The following FAM107B variants were observed in gnomAD, a reference collection of about 807,000 sequenced individuals.
FAM107B encodes the protein family with sequence similarity 107 member B, also known as protein FAM107B.
In FAM107B, 21 loss-of-function variants were observed where a neutral mutation model predicts 31.5. The ratio of observed to expected loss-of-function variants is 0.67; its 90% CI spans 0.47 to 0.96. FAM107B has a LOEUF of 0.96. Ranked by LOEUF, FAM107B falls within the 40% of genes least tolerant of loss-of-function variation. FAM107B has a pLI of 0.00. For synonymous variants in FAM107B, 157 were observed against 141.5 expected (o/e 1.11, Z -0.78); for missense variants, 452 against 377.1 (o/e 1.20, Z -1.64).
intron 1 of FAM107B, chr10:14,723,581 T>C (rs1855962979): frequency 1.5e-6 from 1 of 668,674 alleles, no homozygotes; most frequent in Non-Finnish European, 2.8e-6. Flanking sequence ...GGAAAGGCTA[T>C]GTCCACATAG....
At chr10:14,730,968 C>G (rs545733609) in intron 1 of FAM107B, among the ~76,000 whole-genome samples, 1 of 152,178 alleles carries the variant, frequency 6.6e-6, no homozygotes, top group Admixed American at 6.6e-5. Flanking sequence ...TCAAAGCCGA[C>G]TAAGTGGTTT....
chr10:14,530,909 A>G (rs1317776975), intron 2 of FAM107B, among the ~76,000 whole-genome samples: 1 of 152,234 alleles, frequency 6.6e-6, no homozygotes, highest in Non-Finnish European at 1.5e-5. Flanking sequence ...CAATGGCTGC[A>G]GTTGGACACA....
intron 1 of FAM107B, among the ~76,000 whole-genome samples, chr10:14,769,964 T>C (rs1308459491): frequency 6.6e-6 from 1 of 152,182 alleles, no homozygotes; most frequent in Non-Finnish European, 1.5e-5. Context: ...GGATTCGCAA[T>C]TAGAACAGAA....
intron 1 of FAM107B, among the ~76,000 whole-genome samples, chr10:14,769,888 G>A (rs533141496): frequency 5.3e-5 from 8 of 152,172 alleles, no homozygotes; most frequent in African/African-American, 2.4e-5. Flanking sequence ...CTCACACTGC[G>A]TACATCACTG....
intron 2 of FAM107B, among the ~76,000 whole-genome samples, chr10:14,572,739 T>TTTATATATATA (rs1325278545): frequency 1.1e-5 from 1 of 92,004 alleles, no homozygotes; most frequent in Non-Finnish European, 2.2e-5. Flanking sequence ...AAAAAAAAAT[T>TTTATATATATA]TATATATATA....
At chr10:14,556,796 CT>C (rs148949056) in intron 2 of FAM107B, among the ~76,000 whole-genome samples, 1,617 of 152,372 alleles carry the variant, frequency 0.011, 28 homozygotes, top group African/African-American at 0.037. Context: ...TAAGAATGGA[CT>C]TTCCCCCCAT....
Position 14,530,514 on chromosome 10 carries a change from G to A in FAM107B, c.471C>T (p.Asp157=). 6.2e-7 allele frequency: 1 copy of A among 1,610,490 alleles called. No individual in the cohort carries two copies. The highest frequency in any genetic ancestry group is 8.5e-7 in the Non-Finnish European group (1 of 1,179,260). ...CLELEQKMTS[D]SPPEDIDHKD... ...TATGGTCAATATCCTCAGGTGGGCTGTCTGAAAGAGAAAGATGAGAAACAC... is the reference window on the plus strand; with the variant it reads ...TATGGTCAATATCCTCAGGTGGGCTATCTGAAAGAGAAAGATGAGAAACAC... Residue 157 remains aspartate, a splice_region_variant and synonymous_variant, in exon 3 of 5, where the codon GAC becomes GAT. Transcript: ENST00000181796.
At chr10:14,771,595 GA>G (rs1457962760) in intron 1 of FAM107B, among the ~76,000 whole-genome samples, 1 of 151,734 alleles carries the variant, frequency 6.6e-6, no homozygotes, top group Non-Finnish European at 1.5e-5. Flanking sequence ...ATACAACTGT[GA>G]TATATCAATT....
chr10:14,546,668 C>G (rs1848725846), intron 2 of FAM107B, among the ~76,000 whole-genome samples: 1 of 152,188 alleles, frequency 6.6e-6, no homozygotes, highest in South Asian at 2.1e-4. Context: ...ATTTAGACAT[C>G]CTCTAAGTCC....
intron 2 of FAM107B, among the ~76,000 whole-genome samples, chr10:14,564,305 CG>C (rs1337124104): frequency 2.0e-5 from 3 of 152,012 alleles, no homozygotes; most frequent in Non-Finnish European, 4.4e-5. Context: ...AGCAGATCAG[CG>C]GCAGCTTTCT....
chr10:14,537,963 T>C (rs374894282), intron 2 of FAM107B, among the ~76,000 whole-genome samples: 54 of 152,272 alleles, frequency 3.5e-4, no homozygotes, highest in African/African-American at 1.3e-3. Context: ...ACAATAATGC[T>C]GTCACTGCTG....
intron 2 of FAM107B, among the ~76,000 whole-genome samples, chr10:14,646,065 G>T (rs148082462): frequency 6.6e-6 from 1 of 152,084 alleles, no homozygotes; most frequent in Non-Finnish European, 1.5e-5. Flanking sequence ...GTGTCCTCTC[G>T]GGGAAGAGGT....
intron 1 of FAM107B, among the ~76,000 whole-genome samples, chr10:14,757,348 A>G (rs1376552782): frequency 1.3e-5 from 2 of 151,314 alleles, no homozygotes; most frequent in African/African-American, 2.4e-5. Flanking sequence ...GCAGTGTCCA[A>G]TCCTGCCTGA....
At chr10:14,577,760 G>C (rs1588627689) in intron 2 of FAM107B, among the ~76,000 whole-genome samples, 1 of 152,092 alleles carries the variant, frequency 6.6e-6, no homozygotes, top group Non-Finnish European at 1.5e-5. Flanking sequence ...TGATGAAGCA[G>C]GCCCAATGTT....
At chr10:14,597,414 A>G (rs547500951) in intron 2 of FAM107B, among the ~76,000 whole-genome samples, 3 of 152,362 alleles carry the variant, frequency 2.0e-5, no homozygotes, top group Admixed American at 6.5e-5. Context: ...AGCTTATACC[A>G]CAGTAATGAC....
At chr10:14,651,108 G>T (rs925171085) in intron 2 of FAM107B, among the ~76,000 whole-genome samples, 9 of 152,092 alleles carry the variant, frequency 5.9e-5, no homozygotes, top group African/African-American at 2.2e-4. Flanking sequence ...CTTGTCTCAG[G>T]GTCTACTTCT....
At chr10:14,603,921 C>G (rs532271107) in intron 2 of FAM107B, among the ~76,000 whole-genome samples, 2 of 150,690 alleles carry the variant, frequency 1.3e-5, no homozygotes, top group South Asian at 4.1e-4. Context: ...CCGGGTAGGG[C>G]TCCCCCGCGG....
chr10:14,701,313 C>T lies in FAM107B; in HGVS notation c.412-33622G>A, dbSNP rs756019690. Reference sequence around the variant, plus strand: ...AGGCTGGAGTGCAGTGGTGTGATCTCGGCTCACTGCAACCTCCACCTCCCA... The same window carrying T: ...AGGCTGGAGTGCAGTGGTGTGATCTTGGCTCACTGCAACCTCCACCTCCCA... On this transcript the variant is annotated intron_variant, in intron 1 of 4. Coordinates refer to ENST00000181796, the MANE Select transcript of FAM107B (RefSeq NM_031453.4). Among the ~76,000 whole-genome samples the T allele has an allele frequency of 1.3e-4, 19 of 151,558 alleles. No homozygotes were observed. The Middle Eastern group carries it at 0.01, about 81-fold the overall frequency.
At chr10:14,723,952 T>G in intron 1 of FAM107B, 7 of 749,584 alleles carry the variant, frequency 9.3e-6, no homozygotes, top group Non-Finnish European at 1.7e-5. Flanking sequence ...GATGTGCTGT[T>G]CCATTTGGAA....
Sources: gnomAD v4.1 joint callset for allele counts (sites outside exome capture counted in the v4.1 genomes callset) on GRCh38, gnomAD v4.1.1 for gene constraint, MANE v1.5 for transcripts, NCBI Gene and HGNC (gene_info 2026-07-23, HGNC 2026-07-21) for gene names.